CDH26: variants seen among roughly 807,000 people sequenced by gnomAD.
CDH26 encodes cadherin 26, also known as cadherin-like protein 26.
In CDH26, 83 loss-of-function variants were observed where a neutral mutation model predicts 90.3. The ratio of observed to expected loss-of-function variants is 0.92; its 90% CI spans 0.77 to 1.10. The LOEUF (loss-of-function observed/expected upper bound fraction) is 1.10, where lower values mean the gene tolerates loss of function less well. Among genes scored for constraint, CDH26 ranks in the 50% least tolerant of loss-of-function variants. The pLI, the probability that CDH26 is intolerant of heterozygous loss-of-function variation, is 0.00. For synonymous variants in CDH26, 397 were observed against 396.3 expected, an observed-to-expected ratio of 1.00 and a Z score of -0.02; for missense variants, 1,013 against 1,037.6, an observed-to-expected ratio of 0.98 and a Z score of 0.33.
chr20:59,986,449 T>C (rs1455119876), intron 7 of CDH26, among the ~76,000 whole-genome samples: 1 of 152,208 alleles, frequency 6.6e-6, no homozygotes, highest in Non-Finnish European at 1.5e-5. Context: ...TATATGTATT[T>C]TTAAAAAAGT....
At chr20:59,963,543 T>C (rs78973427) in intron 1 of CDH26, among the ~76,000 whole-genome samples, 2,907 of 152,298 alleles carry the variant, frequency 0.019, 97 homozygotes, top group African/African-American at 0.067. Context: ...CATTGGCCTC[T>C]AGTCACATGT....
chr20:60,006,901 C>A, intron 17 of CDH26, 114 bp downstream of exon 17: 1 of 753,692 alleles, frequency 1.3e-6, no homozygotes, highest in Non-Finnish European at 2.3e-6. Context: ...TCAGCTAAGG[C>A]TGCCATAATA....
intron 17 of CDH26, among the ~76,000 whole-genome samples, chr20:60,010,247 C>T (rs567347561): frequency 3.0e-4 from 46 of 152,214 alleles, no homozygotes; most frequent in Non-Finnish European, 5.6e-4. Context: ...AATGGGGACA[C>T]GCATGGGGTC....
chr20:60,005,487 T>TGTATGTATGTAA (rs1569056794), intron 16 of CDH26, among the ~76,000 whole-genome samples: 1 of 150,820 alleles, frequency 6.6e-6, no homozygotes, highest in African/African-American at 2.5e-5. Flanking sequence ...TCTGTATGTA[T>TGTATGTATGTAA]GTATGTATGT....
intron 12 of CDH26, chr20:59,996,422 T>C (rs2061597357): frequency 6.4e-7 from 1 of 1,559,584 alleles, no homozygotes; most frequent in Non-Finnish European, 8.7e-7. Flanking sequence ...ACTGGCCAGA[T>C]AGTATTATTG....
rs781699445 is a variant in CDH26, at chr20:60,012,641, C to G, written c.2410C>G (p.Gln804Glu). 1.5e-5 allele frequency: 24 copies of G among 1,613,904 alleles called. No homozygotes were observed. Among genetic ancestry groups the G allele is most frequent in the Non-Finnish European group, 2.0e-5 (24 of 1,180,010 alleles). ...CCTCAGCTCTCTGGCCAGCTTGGAA[C>G]AGGAGTTGCAACCTGATTTGCTGGA... ...PSLSSLASLE[Q>E]ELQPDLLDSL... is the part of the protein sequence containing the mutation. Residue 804 changes from glutamine (Q) to glutamate (E), a missense_variant, in exon 18 of 18, where the codon CAG becomes GAG. Coordinates refer to ENST00000348616, the MANE Select transcript of CDH26 (RefSeq NM_177980.4).
At chr20:59,959,715 A>G (rs1184884945) in intron 1 of CDH26, among the ~76,000 whole-genome samples, 4 of 152,124 alleles carry the variant, frequency 2.6e-5, no homozygotes, top group Non-Finnish European at 5.9e-5. Context: ...TTATAATGAT[A>G]CTTCTGTTCA....
chr20:59,979,972 A>G (rs1403863840), intron 4 of CDH26, among the ~76,000 whole-genome samples: 1 of 152,102 alleles, frequency 6.6e-6, no homozygotes, highest in Non-Finnish European at 1.5e-5. Flanking sequence ...TATTGTAGGT[A>G]GATACCTAGG....
intron 9 of CDH26, among the ~76,000 whole-genome samples, chr20:59,991,082 C>CTGGT (rs2061522175): frequency 6.6e-6 from 1 of 152,086 alleles, no homozygotes; most frequent in South Asian, 2.1e-4. Context: ...GTTGGCCAGG[C>CTGGT]TGGTTTCCAA....
At chr20:59,973,552 C>A (rs1216513624) in intron 4 of CDH26, among the ~76,000 whole-genome samples, 1 of 152,134 alleles carries the variant, frequency 6.6e-6, no homozygotes, top group Admixed American at 6.5e-5. Flanking sequence ...TCCTCCCACC[C>A]TTCACCCTCT....
chr20:59,990,603 G>A (rs1210493152), intron 9 of CDH26, among the ~76,000 whole-genome samples: 1 of 152,106 alleles, frequency 6.6e-6, no homozygotes, highest in Non-Finnish European at 1.5e-5. Context: ...TAATGAAATG[G>A]AATTACTAGA....
At chr20:60,035,090 C>T (rs1208771420), downstream of CDH26, among the ~76,000 whole-genome samples, 1 of 152,232 alleles carries the variant, frequency 6.6e-6, no homozygotes, top group Non-Finnish European at 1.5e-5. Flanking sequence ...TAACAATCCA[C>T]CTAAGAGATC....
At position 59,999,599 on chromosome 20, in the gene CDH26, TTGAAGG is replaced by T. The variant is rs2061648343; in HGVS notation, c.2034_2039del (p.Glu679_Gly680del). 1 of 1,614,110 alleles carries T rather than the reference TTGAAGG, an allele frequency of 6.2e-7. No homozygotes were observed. The highest frequency in any genetic ancestry group is 2.2e-5 in the East Asian group (1 of 44,876). ...TGTGTTCTACAGACATGGTCAGATG[TTGAAGG>T]CCAGAGGCCGGCTCTGCTCATCTGC... On this transcript the variant is annotated inframe_deletion, in exon 14 of 18. Transcript: ENST00000348616.
chr20:60,018,408 A>G (rs2146028834), downstream of CDH26, among the ~76,000 whole-genome samples: 1 of 152,154 alleles, frequency 6.6e-6, no homozygotes, highest in African/African-American at 2.4e-5. Flanking sequence ...TTTGTCTGAT[A>G]TAAGTATAGC....
In CDH26 at chr20:59,990,751, G is replaced by A. The variant is rs549186712; in HGVS notation, c.1283+1588G>A. 2.0e-4 allele frequency among the ~76,000 whole-genome samples: 31 copies of A among 152,272 alleles called. No individual in the cohort carries two copies. In the South Asian group the frequency reaches 6.4e-3, roughly 32 times the overall value. Reference sequence around the variant, plus strand: ...CAGACCCCTTCTGGTGCACAGTGGTGCACCTTGAGTTAGCAAGGCTCTTAA... The same window carrying A: ...CAGACCCCTTCTGGTGCACAGTGGTACACCTTGAGTTAGCAAGGCTCTTAA... On this transcript the variant is annotated intron_variant, in intron 9 of 17. Transcript: ENST00000348616.
intron 5 of CDH26, 123 bp downstream of exon 5, chr20:59,983,193 A>C (rs2061415163): frequency 5.2e-6 from 6 of 1,160,174 alleles, no homozygotes; most frequent in Admixed American, 2.4e-5. Flanking sequence ...CACATCTCAA[A>C]GATCGCAGGC....
chr20:59,978,322 T>C (rs1456652540), intron 4 of CDH26, among the ~76,000 whole-genome samples: 1 of 152,146 alleles, frequency 6.6e-6, no homozygotes, highest in Non-Finnish European at 1.5e-5. Context: ...CCAAAGTGGC[T>C]GCACCATTTT....
At chr20:60,017,406 T>G (rs2061914555), downstream of CDH26, among the ~76,000 whole-genome samples, 1 of 152,068 alleles carries the variant, frequency 6.6e-6, no homozygotes, top group Non-Finnish European at 1.5e-5. Context: ...ATATAGTTGT[T>G]CACAGTAATT....
rs1478981653 is a variant in CDH26 at position 60,013,964 on chromosome 20, G to C, written c.*1234G>C. ...AGAACAGCTGTACTGATCCTAGCAT[G>C]ACTCAGAGGACAGTCTAGGGCATTT... On this transcript the variant is annotated 3_prime_UTR_variant, in exon 18 of 18. Coordinates refer to ENST00000348616, the MANE Select transcript of CDH26 (RefSeq NM_177980.4). 6.6e-6 allele frequency: 1 copy of C among 151,948 alleles called. No individual in the cohort carries two copies. The highest frequency in any genetic ancestry group is 1.9e-4 in the East Asian group (1 of 5,188). 9.4% of individuals were successfully genotyped at this position (151,948 alleles called of 1,614,324 possible).
Sources: allele counts gnomAD v4.1 joint callset (sites outside exome capture counted in the v4.1 genomes callset), GRCh38; gene constraint gnomAD v4.1.1; transcripts MANE v1.5; gene names NCBI Gene and HGNC (gene_info 2026-07-23, HGNC 2026-07-21).